The following NF2 variants were observed in gnomAD, a reference collection of about 807,000 sequenced individuals.
NF2 encodes the protein merlin.
A neutral mutation model predicts 83.7 loss-of-function variants in NF2; 8 were observed. The ratio of observed to expected loss-of-function variants is 0.10; its 90% CI spans 0.06 to 0.17. The LOEUF (loss-of-function observed/expected upper bound fraction) is 0.17. NF2 is among the 10% of genes least tolerant of loss of function. NF2 has a pLI of 1.00. For synonymous variants in NF2, 266 were observed against 269.6 expected (o/e 0.99, Z 0.13); for missense variants, 533 against 744.4 (o/e 0.72, Z 3.31).
At chr22:29,631,907 AC>A (rs767810684) in intron 1 of NF2, among the ~76,000 whole-genome samples, 7 of 152,180 alleles carry the variant, frequency 4.6e-5, no homozygotes, top group Non-Finnish European at 7.3e-5. Context: ...ACCAATGGAG[AC>A]AACCATCACT....
chr22:29,636,623 A>C lies in NF2; in HGVS notation c.115-128A>C. The C allele has an allele frequency of 1.0e-5, 12 of 1,152,186 alleles. No homozygotes were observed. The highest frequency in any genetic ancestry group is 1.3e-5 in the Non-Finnish European group (10 of 767,302). 71.4% of individuals were successfully genotyped at this position (1,152,186 alleles called of 1,614,324 possible). A position where few individuals can be genotyped will look rare whatever the true frequency, so the allele number is the denominator to read the frequency against. On this transcript the variant is annotated intron_variant, in intron 1 of 15. Transcript: ENST00000338641. This position sits in a 1 kb window ranked among gnomAD's most constrained non-coding sequence, Gnocchi z 4.4. ...AAGGAAGCTTTAAAATTATTTAGGA[A>C]TTCAGTCCTCATCAGCTGTCTTAGT...
intron 1 of NF2, chr22:29,609,057 TA>T: frequency 1.4e-6 from 1 of 731,138 alleles, no homozygotes; most frequent in Non-Finnish European, 2.6e-6. Context: ...GAACAGTGGG[TA>T]AAGCCAATGG....
At chr22:29,648,116 G>A (rs2146935239) in intron 4 of NF2, among the ~76,000 whole-genome samples, 1 of 149,042 alleles carries the variant, frequency 6.7e-6, no homozygotes, top group South Asian at 2.1e-4. Context: ...GGACGACAGA[G>A]TGAGACTCCA....
At position 29,696,226 on chromosome 22, in the gene NF2, A is replaced by G. The variant is rs925163799; in HGVS notation, c.*1424A>G. 29 of 218,028 alleles carry G rather than the reference A, an allele frequency of 1.3e-4. No individual in the cohort carries two copies. The highest frequency in any genetic ancestry group is 6.1e-4 in the African/African-American group (27 of 44,278). 13.5% of individuals were successfully genotyped at this position (218,028 alleles called of 1,614,324 possible). On this transcript the variant is annotated 3_prime_UTR_variant, in exon 16 of 16. Transcript: ENST00000338641. ...GTAGCTGGGACTACAGGCATGCACC[A>G]CCACACTTGGCCAATGTTCTGTATT...
At chr22:29,693,326 T>G (rs1209015554) in intron 15 of NF2, among the ~76,000 whole-genome samples, 2 of 152,212 alleles carry the variant, frequency 1.3e-5, no homozygotes, top group Admixed American at 1.3e-4. Flanking sequence ...TTGGTTCCAC[T>G]GAAGAAGGCA....
intron 1 of NF2, among the ~76,000 whole-genome samples, chr22:29,630,433 A>G (rs1321893696): frequency 6.6e-6 from 1 of 152,260 alleles, no homozygotes; most frequent in African/African-American, 2.4e-5. Flanking sequence ...GTTCATACAC[A>G]TCTATCCATG....
intron 11 of NF2, 32 bp downstream of exon 11, chr22:29,671,980 C>A (rs766734616): frequency 5.0e-6 from 8 of 1,614,050 alleles, no homozygotes; most frequent in Non-Finnish European, 5.9e-6. Context: ...TTCCAGGAGG[C>A]TACTTGGGGA....
chr22:29,694,253 A>T lies in NF2; in HGVS notation c.1738-499A>T, dbSNP rs1357284656. Among the ~76,000 whole-genome samples, 1 of 151,982 alleles carries T rather than the reference A, an allele frequency of 6.6e-6. No homozygotes were observed. The highest frequency in any genetic ancestry group is 1.5e-5 in the Non-Finnish European group (1 of 67,966). ...GGGAAACCAGGAGTAGAAGGGGTAA[A>T]CTCTTCCTCATCTGCCACAGGCCTG... is the stretch of plus-strand genomic sequence containing the variant. On this transcript the variant is annotated intron_variant, in intron 15 of 15. Coordinates refer to ENST00000338641, the MANE Select transcript of NF2 (RefSeq NM_000268.4). This position sits in a 1 kb window ranked among gnomAD's most constrained non-coding sequence, Gnocchi z 4.1.
At chr22:29,621,404 A>G (rs1308417938) in intron 1 of NF2, among the ~76,000 whole-genome samples, 3 of 152,228 alleles carry the variant, frequency 2.0e-5, no homozygotes, top group East Asian at 3.8e-4. Context: ...TTACTGGTAA[A>G]GTACGTAGAA....
chr22:29,629,965 C>G (rs1157460120), intron 1 of NF2, among the ~76,000 whole-genome samples: 1 of 152,186 alleles, frequency 6.6e-6, no homozygotes, highest in Non-Finnish European at 1.5e-5. Context: ...AGAAAGTTGT[C>G]CTTTTCAAAC....
chr22:29,604,703 C>T (rs1358219356), intron 1 of NF2, among the ~76,000 whole-genome samples: 1 of 152,150 alleles, frequency 6.6e-6, no homozygotes, highest in Non-Finnish European at 1.5e-5. Context: ...AAGCTCACAG[C>T]CCGTACAGTA....
At position 29,639,190 on chromosome 22, in the gene NF2, C is replaced by T; in HGVS notation, c.341C>T (p.Thr114Ile). ...NAEEELVQEI[T>I]QHLFFLQVKK... ...GAAGAGGAGCTGGTTCAGGAGATCA[C>T]ACAACATTTATTCTTCTTACAGGTA... Residue 114 changes from threonine (T) to isoleucine (I), a missense_variant, in exon 3 of 16, where the codon ACA (threonine) becomes ATA (isoleucine). By Grantham distance (89) the Thr-to-Ile change is moderately conservative. This residue lies in a region of NF2 where 326 missense variants were observed against 475.1 expected (regional missense o/e 0.69). Transcript: ENST00000338641. The T allele has an allele frequency of 6.2e-7, 1 of 1,614,156 alleles. No individual in the cohort carries two copies. Among genetic ancestry groups the T allele is most frequent in the Non-Finnish European group, 8.5e-7 (1 of 1,180,016 alleles).
intron 9 of NF2, among the ~76,000 whole-genome samples, chr22:29,666,689 AAG>A (rs1210818531): frequency 1.3e-5 from 2 of 152,044 alleles, no homozygotes; most frequent in African/African-American, 2.4e-5. Flanking sequence ...AATAATAAAA[AAG>A]AGGGCCAGGC....
intron 15 of NF2, among the ~76,000 whole-genome samples, chr22:29,689,709 T>C (rs1406975613): frequency 6.6e-6 from 1 of 152,106 alleles, no homozygotes; most frequent in Non-Finnish European, 1.5e-5. Context: ...ATTAGTTTTG[T>C]TCCCCAGCTT....
chr22:29,679,555 T>C (rs1601661653), intron 14 of NF2, among the ~76,000 whole-genome samples: 1 of 152,208 alleles, frequency 6.6e-6, no homozygotes, highest in Admixed American at 6.5e-5. Context: ...AGAGGCTGGG[T>C]AGCTTATAAA....
At chr22:29,690,674 G>A (rs1415268965) in intron 15 of NF2, among the ~76,000 whole-genome samples, 6 of 152,230 alleles carry the variant, frequency 3.9e-5, no homozygotes, top group Non-Finnish European at 7.3e-5. Flanking sequence ...TTGAGCAGCC[G>A]GTTCAGTCGA....
intron 15 of NF2, among the ~76,000 whole-genome samples, chr22:29,682,110 A>G (rs2067153237): frequency 6.6e-6 from 1 of 152,118 alleles, no homozygotes; most frequent in East Asian, 1.9e-4. Flanking sequence ...TTACTTTGCA[A>G]ATGGTTTCAT....
At chr22:29,625,208 C>T (rs917601866) in intron 1 of NF2, among the ~76,000 whole-genome samples, 5 of 152,198 alleles carry the variant, frequency 3.3e-5, no homozygotes, top group Admixed American at 6.5e-5. Flanking sequence ...ATTACAGGCA[C>T]GAGCCATTGC....
intron 8 of NF2, among the ~76,000 whole-genome samples, chr22:29,664,060 C>A (rs2066547891): frequency 6.6e-6 from 1 of 152,168 alleles, no homozygotes; most frequent in Non-Finnish European, 1.5e-5. Context: ...AAATTATTCC[C>A]ATGTTCAGAA....
Sources: allele counts gnomAD v4.1 joint callset (sites outside exome capture counted in the v4.1 genomes callset), GRCh38; gene constraint gnomAD v4.1.1; regional missense constraint gnomAD v4.1.1; non-coding constraint Gnocchi (gnomAD v3.1); transcripts MANE v1.5; gene names NCBI Gene and HGNC (gene_info 2026-07-23, HGNC 2026-07-21).